Variants in SCYL3 observed in about 807,000 individuals in gnomAD.
SCYL3 encodes protein-associating with the carboxyl-terminal domain of ezrin.
SCYL3 carries 35 observed loss-of-function variants against 73.8 expected under a neutral mutation model. The observed-to-expected ratio is 0.47, with a 90% CI of 0.36 to 0.63. The LOEUF is 0.63. SCYL3 is among the 20% of genes least tolerant of loss of function. SCYL3 has a pLI of 0.00. For missense variants in SCYL3, 712 were observed against 798.9 expected (o/e 0.89, Z 1.31); for synonymous variants, 277 against 295.2 (o/e 0.94, Z 0.63).
At chr1:169,868,650 A>G (rs12135826) in intron 7 of SCYL3, among the ~76,000 whole-genome samples, 23,339 of 152,202 alleles carry the variant, frequency 0.15, 1,851 homozygotes, top group Middle Eastern at 0.22. Flanking sequence ...CTTCTTCACT[A>G]TTAGAAGCCC....
rs1046222658 is a variant in SCYL3 at position 169,851,965 on chromosome 1, C to CT, written c.*1747dup. On this transcript the variant is annotated 3_prime_UTR_variant, in exon 13 of 13. Coordinates refer to ENST00000367771, the MANE Select transcript of SCYL3 (RefSeq NM_020423.7). ...TGGGCTGATTTCAATAGGGGCCAAA[C>CT]TTTAACAAGGCAAATTCTGCCCTTT... The CT allele has an allele frequency of 1.6e-5, 26 of 1,613,704 alleles. No homozygotes were observed. The highest frequency in any genetic ancestry group is 2.0e-5 in the Non-Finnish European group (24 of 1,179,878).
chr1:169,872,615 GCAGA>G (rs746099803), intron 5 of SCYL3, among the ~76,000 whole-genome samples: 9 of 152,184 alleles, frequency 5.9e-5, no homozygotes, highest in Non-Finnish European at 1.3e-4. Context: ...TGGAAAAGCT[GCAGA>G]CATTCAAGAC....
intron 6 of SCYL3, chr1:169,869,260 C>T: frequency 1.9e-6 from 1 of 526,392 alleles, no homozygotes; most frequent in East Asian, 3.3e-5. Context: ...GTGCCATTCC[C>T]TTCTATACCC....
chr1:169,891,776 C>A (rs2102222629), intron 1 of SCYL3, among the ~76,000 whole-genome samples: 1 of 152,310 alleles, frequency 6.6e-6, no homozygotes, highest in South Asian at 2.1e-4. Context: ...TCACCAGAGG[C>A]AAGAGAAAGG....
rs1371150193 is a variant in SCYL3 at position 169,853,002 on chromosome 1, C to G, written c.*711G>C. On this transcript the variant is annotated 3_prime_UTR_variant, in exon 13 of 13. Transcript: ENST00000367771. ...CTCTAGGGTGAAACTTATCACTAGG[C>G]AGAACTGGGTTTGATGCTTTGTCAA... The G allele has an allele frequency of 3.7e-6, 6 of 1,612,232 alleles. No individual in the cohort carries two copies. Among genetic ancestry groups the G allele is most frequent in the Non-Finnish European group, 5.1e-6 (6 of 1,178,348 alleles).
Position 169,852,493 on chromosome 1 carries a change from A to C in SCYL3, c.*1220T>G. On this transcript the variant is annotated 3_prime_UTR_variant, in exon 13 of 13. Transcript: ENST00000367771. ...AAATACATTTATGAACTTGTTTATA[A>C]GACATGTAAGCTTGGACTATGCAGC... is the stretch of plus-strand genomic sequence containing the variant. The C allele has an allele frequency of 2.7e-6, 1 of 375,442 alleles. No individual in the cohort carries two copies. The highest frequency in any genetic ancestry group is 4.2e-5 in the South Asian group (1 of 23,768). The allele number at this position is 375,442 out of a possible 1,614,324, so 23.3% of individuals were successfully genotyped here.
chr1:169,880,341 A>C, intron 2 of SCYL3, among the ~76,000 whole-genome samples: 1 of 152,188 alleles, frequency 6.6e-6, no homozygotes, highest in Non-Finnish European at 1.5e-5. Context: ...AATTTTTTAA[A>C]AAGCACACTT....
intron 6 of SCYL3, among the ~76,000 whole-genome samples, chr1:169,869,357 G>C (rs961964231): frequency 3.9e-5 from 6 of 152,094 alleles, no homozygotes; most frequent in African/African-American, 1.4e-4. Context: ...TTCTCAACAG[G>C]GGTTCCTCAT....
chr1:169,853,111 T>TGACA lies in SCYL3; in HGVS notation c.*598_*601dup, dbSNP rs57767410. ...GAATCTAGTGAAAATAATCTTTATT[T>TGACA]GACATTTAGAGAACAGGATTGTGGG... On this transcript the variant is annotated 3_prime_UTR_variant, in exon 13 of 13. Transcript: ENST00000367771. 102 of 899,374 alleles carry TGACA rather than the reference T, an allele frequency of 1.1e-4. 1 individual carries two copies. In the African/African-American group the frequency reaches 1.5e-3, roughly 13 times the overall value. 55.7% of individuals were successfully genotyped at this position (899,374 alleles called of 1,614,324 possible).
chr1:169,855,230 A>AACAT (rs1200494062), intron 11 of SCYL3, among the ~76,000 whole-genome samples: 1 of 152,232 alleles, frequency 6.6e-6, no homozygotes, highest in Admixed American at 6.5e-5. Flanking sequence ...TAAATATCCA[A>AACAT]ACATACAGTA....
intron 9 of SCYL3, among the ~76,000 whole-genome samples, chr1:169,864,120 A>G (rs1020267329): frequency 2.6e-5 from 4 of 152,216 alleles, no homozygotes; most frequent in Non-Finnish European, 5.9e-5. Flanking sequence ...CTTCAAATGT[A>G]TATTTCAGAT....
In SCYL3 at chr1:169,849,679, A is replaced by C; in HGVS notation, c.*4034T>G. The C allele has an allele frequency of 8.4e-7, 1 of 1,184,294 alleles. No homozygotes were observed. The highest frequency in any genetic ancestry group is 1.2e-6 in the Non-Finnish European group (1 of 804,968). 73.4% of individuals were successfully genotyped at this position (1,184,294 alleles called of 1,614,324 possible). A position where few individuals can be genotyped will look rare whatever the true frequency, so the allele number is the denominator to read the frequency against. On this transcript the variant is annotated 3_prime_UTR_variant, in exon 13 of 13. Transcript: ENST00000367771. ...TTCAAATATTCCAGAACAATCCCAA[A>C]ACATTTATTGAACTGCTTCTGTATT... is the stretch of plus-strand genomic sequence containing the variant.
At chr1:169,862,044 A>G (rs1659685452) in intron 10 of SCYL3, among the ~76,000 whole-genome samples, 1 of 152,240 alleles carries the variant, frequency 6.6e-6, no homozygotes, top group South Asian at 2.1e-4. Context: ...TACAGCCTTC[A>G]GAGGAAGCAG....
chr1:169,853,132 G>T lies in SCYL3; in HGVS notation c.*581C>A. The T allele has an allele frequency of 2.5e-6, 2 of 786,056 alleles. No individual in the cohort carries two copies. The highest frequency in any genetic ancestry group is 4.1e-6 in the Non-Finnish European group (2 of 491,630). The allele number at this position is 786,056 out of a possible 1,614,324, so 48.7% of individuals were successfully genotyped here. On this transcript the variant is annotated 3_prime_UTR_variant, in exon 13 of 13. Coordinates refer to ENST00000367771, the MANE Select transcript of SCYL3 (RefSeq NM_020423.7). ...TATTTGACATTTAGAGAACAGGATT[G>T]TGGGGAATATTCTTATTAAGAACTT...
intron 3 of SCYL3, among the ~76,000 whole-genome samples, chr1:169,876,771 C>T (rs976179713): frequency 1.2e-4 from 18 of 151,792 alleles, no homozygotes; most frequent in Middle Eastern, 3.2e-3. Flanking sequence ...CTGGTTAACA[C>T]GGTGAAACCG....
Position 169,854,947 on chromosome 1 carries a change from G to T in SCYL3, c.1330C>A (p.Pro444Thr). 3 of 1,606,610 alleles carry T rather than the reference G, an allele frequency of 1.9e-6. No individual in the cohort carries two copies. The highest frequency in any genetic ancestry group is 2.2e-5 in the South Asian group (2 of 90,184). The change falls in exon 12 of 13, where the codon CCT becomes ACT. Residue 444 changes from proline to threonine, a missense_variant. By Grantham distance (38) the Pro-to-Thr change is conservative (BLOSUM62 -1). Transcript: ENST00000367771. ...LSLEGDPFSQ[P>T]IKFPINGLSD... ...AGTCCATTTATGGGAAATTTAATAG[G>T]CTGAGAAAATGGATCGCCTGTAGGG...
At chr1:169,858,970 A>G (rs1388979100) in intron 11 of SCYL3, 71 bp downstream of exon 11, 24 of 1,347,140 alleles carry the variant, frequency 1.8e-5, no homozygotes, top group Non-Finnish European at 2.5e-5. Flanking sequence ...TGACCCTCCT[A>G]CATTACTTAT....
intron 12 of SCYL3, chr1:169,854,053 A>G (rs1658838860): frequency 1.8e-6 from 1 of 567,530 alleles, no homozygotes; most frequent in African/African-American, 1.9e-5. Flanking sequence ...TTTTCAAATA[A>G]AAAGGTTACA....
intron 6 of SCYL3, 97 bp from the exon 7 acceptor site, chr1:169,869,136 AG>A: frequency 1.1e-6 from 1 of 906,706 alleles, no homozygotes; most frequent in Non-Finnish European, 1.8e-6. Flanking sequence ...AACCTGTAAA[AG>A]CCCAAACAAA....
Sources: allele counts gnomAD v4.1 joint callset (sites outside exome capture counted in the v4.1 genomes callset), GRCh38; gene constraint gnomAD v4.1.1; transcripts MANE v1.5; gene names NCBI Gene and HGNC (gene_info 2026-07-23, HGNC 2026-07-21).